The following SEC23A variants were observed in gnomAD, a reference collection of about 807,000 sequenced individuals.
SEC23A encodes the protein protein transport protein Sec23A.
SEC23A carries 56 observed loss-of-function variants against 103.7 expected under a neutral mutation model. That is an observed-to-expected ratio of 0.54 (90% CI 0.44 to 0.67). The LOEUF (loss-of-function observed/expected upper bound fraction) is 0.67, where lower values mean the gene tolerates loss of function less well. Ranked by LOEUF, SEC23A falls within the 30% of genes least tolerant of loss-of-function variation. The pLI, the probability that SEC23A is intolerant of heterozygous loss-of-function variation, is 0.00. For synonymous variants in SEC23A, 281 were observed against 293.0 expected, an observed-to-expected ratio of 0.96 and a Z score of 0.42; for missense variants, 784 against 936.4, an observed-to-expected ratio of 0.84 and a Z score of 2.12.
intron 6 of SEC23A, among the ~76,000 whole-genome samples, 184 bp from the exon 7 acceptor site, chr14:39,086,090 C>G (rs1887434044): frequency 1.3e-5 from 2 of 152,048 alleles, no homozygotes; most frequent in Admixed American, 1.3e-4. Flanking sequence ...TTGCTAGGTC[C>G]CAGTTCTAGA....
intron 16 of SEC23A, among the ~76,000 whole-genome samples, chr14:39,044,005 G>A (rs564788272): frequency 6.6e-5 from 10 of 152,122 alleles, no homozygotes; most frequent in South Asian, 2.1e-4. Context: ...TAGAGAAAGC[G>A]TGGGTCATGG....
At chr14:39,056,517 C>G (rs373577440) in intron 13 of SEC23A, among the ~76,000 whole-genome samples, 13 of 151,612 alleles carry the variant, frequency 8.6e-5, no homozygotes, top group African/African-American at 3.2e-4. Context: ...CTCTGTCACC[C>G]AGGCTGGAGT....
At chr14:39,078,689 A>G (rs1887122252) in intron 7 of SEC23A, among the ~76,000 whole-genome samples, 1 of 152,226 alleles carries the variant, frequency 6.6e-6, no homozygotes, top group African/African-American at 2.4e-5. Context: ...TTCTGGAAAT[A>G]AAAGCATTAA....
At chr14:39,086,004 T>A in intron 6 of SEC23A, 98 bp from the exon 7 acceptor site, 1 of 1,048,848 alleles carries the variant, frequency 9.5e-7, no homozygotes, top group South Asian at 1.3e-5. Flanking sequence ...AACAACACTC[T>A]GAACACACAG....
chr14:39,096,301 C>T (rs1328600079), intron 1 of SEC23A, among the ~76,000 whole-genome samples, 162 bp from the exon 2 acceptor site: 1 of 152,196 alleles, frequency 6.6e-6, no homozygotes, highest in East Asian at 1.9e-4. Flanking sequence ...GAGGCCGAGA[C>T]AGGCGGATCA....
intron 7 of SEC23A, among the ~76,000 whole-genome samples, chr14:39,082,017 A>G (rs984235087): frequency 6.6e-6 from 1 of 152,126 alleles, no homozygotes; most frequent in African/African-American, 2.4e-5. Flanking sequence ...CAGAGCAGGA[A>G]AAGGATAAGA....
intron 1 of SEC23A, among the ~76,000 whole-genome samples, chr14:39,100,390 T>A (rs927904836): frequency 2.3e-4 from 35 of 149,550 alleles, no homozygotes; most frequent in African/African-American, 8.6e-4. Flanking sequence ...ATATCTGAAA[T>A]AAAGTCCTTT....
intron 7 of SEC23A, among the ~76,000 whole-genome samples, chr14:39,084,337 A>G (rs1887350871): frequency 6.6e-6 from 1 of 152,012 alleles, no homozygotes; most frequent in Non-Finnish European, 1.5e-5. Flanking sequence ...CTATTTTGTA[A>G]TTCTAAAGCT....
chr14:39,068,569 T>G (rs1488454407), intron 9 of SEC23A, among the ~76,000 whole-genome samples: 1 of 152,154 alleles, frequency 6.6e-6, no homozygotes, highest in Non-Finnish European at 1.5e-5. Context: ...AATAATCATG[T>G]AATTAGAGAC....
intron 9 of SEC23A, among the ~76,000 whole-genome samples, chr14:39,070,959 G>A (rs1886822470): frequency 6.6e-6 from 1 of 152,030 alleles, no homozygotes; most frequent in African/African-American, 2.4e-5. Context: ...CCCAGGGGGC[G>A]GAGGTTGCAG....
intron 4 of SEC23A, among the ~76,000 whole-genome samples, chr14:39,092,120 A>G (rs1887684830): frequency 6.6e-6 from 1 of 152,232 alleles, no homozygotes; most frequent in Non-Finnish European, 1.5e-5. Flanking sequence ...TTCCACAGTA[A>G]AACATGTAAA....
chr14:39,041,408 G>GAAAAAAAAAAAAAAAAAAA (rs1885631519), intron 17 of SEC23A: 1 of 8,818 alleles, frequency 1.1e-4, no homozygotes, highest in Admixed American at 1.7e-3. Flanking sequence ...CAAAGAAAAA[G>GAAAAAAAAAAAAAAAAAAA]CAAAAAAAAA....
rs915870725 is a variant in SEC23A, at chr14:39,033,035, G to A, written c.*204C>T. 2.3e-5 allele frequency: 13 copies of A among 575,984 alleles called. No homozygotes were observed. Among genetic ancestry groups the A allele is most frequent in the Admixed American group, 6.1e-5 (2 of 33,056 alleles). The allele number at this position is 575,984 out of a possible 1,614,324, so 35.7% of individuals were successfully genotyped here. On this transcript the variant is annotated 3_prime_UTR_variant, in exon 20 of 20. Coordinates refer to ENST00000307712, the MANE Select transcript of SEC23A (RefSeq NM_006364.4). ...AGAACCAGCTATAACACTGTGGTAA[G>A]CAAAATAAATTTGTTCTTATTGCTC...
chr14:39,052,714 G>A (rs908234982), intron 14 of SEC23A, among the ~76,000 whole-genome samples: 2 of 152,078 alleles, frequency 1.3e-5, no homozygotes, highest in African/African-American at 4.8e-5. Flanking sequence ...CACAATTAGT[G>A]AAAAAAACTA....
intron 17 of SEC23A, among the ~76,000 whole-genome samples, chr14:39,041,644 C>T (rs555664729): frequency 1.1e-4 from 16 of 151,822 alleles, no homozygotes; most frequent in South Asian, 6.2e-4. Context: ...CCAACACGGG[C>T]GGATCACCCG....
intron 19 of SEC23A, among the ~76,000 whole-genome samples, chr14:39,037,850 C>A (rs1885508763): frequency 6.6e-6 from 1 of 152,204 alleles, no homozygotes; most frequent in African/African-American, 2.4e-5. Context: ...CCTATTGAGT[C>A]TACTTTTAAA....
chr14:39,098,628 A>T (rs1045989794), intron 1 of SEC23A, among the ~76,000 whole-genome samples: 7 of 151,948 alleles, frequency 4.6e-5, no homozygotes, highest in Admixed American at 2.6e-4. Flanking sequence ...TACAAAAATT[A>T]GCTGAGCTGG....
chr14:39,059,355 T>C (rs1886388946), intron 13 of SEC23A, among the ~76,000 whole-genome samples: 1 of 143,804 alleles, frequency 7.0e-6, no homozygotes, highest in Non-Finnish European at 1.5e-5. Context: ...ATAAGTTAAC[T>C]TGAAAAGACG....
At chr14:39,038,694 C>A (rs1011130974) in intron 19 of SEC23A, among the ~76,000 whole-genome samples, 3 of 152,136 alleles carry the variant, frequency 2.0e-5, no homozygotes, top group African/African-American at 7.2e-5. Flanking sequence ...AGGGTTCCTG[C>A]CCCTCCTTCT....
Sources: gnomAD v4.1 joint callset for allele counts (sites outside exome capture counted in the v4.1 genomes callset) on GRCh38, gnomAD v4.1.1 for gene constraint, MANE v1.5 for transcripts, NCBI Gene and HGNC (gene_info 2026-07-23, HGNC 2026-07-21) for gene names.